The following FRMPD4 variants were observed in gnomAD, a reference collection of about 807,000 sequenced individuals.
FRMPD4 encodes FERM and PDZ domain containing 4.
A neutral mutation model predicts 94.1 loss-of-function variants in FRMPD4; 22 were observed. The ratio of observed to expected loss-of-function variants is 0.23; its 90% CI spans 0.17 to 0.33. FRMPD4 has a LOEUF of 0.33. Among genes scored for constraint, FRMPD4 ranks in the 10% least tolerant of loss-of-function variants. The probability of loss-of-function intolerance (pLI) is 1.00; values close to 1 mark genes in which losing one functional copy is unlikely to be tolerated. For synonymous variants in FRMPD4, 631 were observed against 548.6 expected, an observed-to-expected ratio of 1.15 and a Z score of -2.10; for missense variants, 1,111 against 1,339.9, an observed-to-expected ratio of 0.83 and a Z score of 2.67.
chrX:12,134,432 G>A (rs857349), upstream of FRMPD4, among the ~76,000 whole-genome samples: 11,963 of 111,691 alleles, frequency 0.11, 584 homozygotes, highest in African/African-American at 0.18. Flanking sequence ...CTGATTGAAT[G>A]GATACCTTGC....
intron 4 of FRMPD4, among the ~76,000 whole-genome samples, chrX:12,625,222 A>G (rs770671179): frequency 1.1e-4 from 12 of 111,730 alleles, no homozygotes; most frequent in Non-Finnish European, 2.3e-4. Flanking sequence ...TAGGGAACAC[A>G]ATATGGAGGT....
intron 2 of FRMPD4, among the ~76,000 whole-genome samples, chrX:12,558,518 A>G (rs779847975): frequency 4.8e-4 from 54 of 112,844 alleles, no homozygotes; most frequent in Non-Finnish European, 9.2e-4. Flanking sequence ...AATTCAAGAC[A>G]TATCCCCAGG....
intron 1 of FRMPD4, among the ~76,000 whole-genome samples, chrX:12,490,756 G>A (rs2057784999): frequency 9.0e-6 from 1 of 111,675 alleles, no homozygotes; most frequent in Non-Finnish European, 1.9e-5. Flanking sequence ...TAGACTCCAT[G>A]GTTTGGCTTT....
At chrX:12,111,440 A>C (rs924271964) in intron 3 of FRMPD4, among the ~76,000 whole-genome samples, 3 of 111,624 alleles carry the variant, frequency 2.7e-5, no homozygotes, top group Non-Finnish European at 3.8e-5. Context: ...TAAAGACTTA[A>C]ACGTTAGACC....
intron 1 of FRMPD4, among the ~76,000 whole-genome samples, chrX:12,446,102 A>G (rs1227847063): frequency 9.0e-6 from 1 of 111,382 alleles, no homozygotes; most frequent in African/African-American, 3.4e-5. Flanking sequence ...TCTTATTCTC[A>G]GGGACTGGGT....
At chrX:12,572,445 G>A (rs1431980196) in intron 2 of FRMPD4, among the ~76,000 whole-genome samples, 2 of 112,475 alleles carry the variant, frequency 1.8e-5, no homozygotes, top group Non-Finnish European at 3.8e-5. Flanking sequence ...AATAAATGCT[G>A]CCTTTAGAAA....
At chrX:12,284,859 G>T (rs1041640526) in intron 1 of FRMPD4, among the ~76,000 whole-genome samples, 7 of 111,860 alleles carry the variant, frequency 6.3e-5, no homozygotes, top group African/African-American at 3.3e-5. Context: ...CTCATAATCT[G>T]CATTTAACAT....
chrX:12,583,611 G>A (rs747272192), intron 2 of FRMPD4: 1 of 507,846 alleles, frequency 2.0e-6, no homozygotes, highest in African/African-American at 2.5e-5. Flanking sequence ...GTAAAGCCTC[G>A]CACCTGGCGG....
chrX:12,002,032 A>G (rs940195940), intron 3 of FRMPD4, among the ~76,000 whole-genome samples: 2 of 111,859 alleles, frequency 1.8e-5, no homozygotes, highest in African/African-American at 6.5e-5. Flanking sequence ...TCATTGACAC[A>G]CAAAGCTTTG....
chrX:12,440,382 G>T (rs2057121695), intron 1 of FRMPD4, among the ~76,000 whole-genome samples: 1 of 111,404 alleles, frequency 9.0e-6, no homozygotes, highest in African/African-American at 3.3e-5. Flanking sequence ...GACCTGTAAG[G>T]GAGTAGGAAG....
At chrX:12,598,502 A>T (rs1338539559) in intron 2 of FRMPD4, among the ~76,000 whole-genome samples, 1 of 111,687 alleles carries the variant, frequency 9.0e-6, no homozygotes, top group East Asian at 2.8e-4. Context: ...CCCGAGCAGG[A>T]AGCCAGAACA....
chrX:12,479,113 G>A (rs1046483550), intron 1 of FRMPD4, among the ~76,000 whole-genome samples: 2 of 110,496 alleles, frequency 1.8e-5, no homozygotes, highest in African/African-American at 6.6e-5. Context: ...GAAACAGAGA[G>A]TAAACTTGAA....
chrX:12,720,170 A>G (rs1003790173), intron 16 of FRMPD4, among the ~76,000 whole-genome samples: 8 of 112,264 alleles, frequency 7.1e-5, no homozygotes, highest in African/African-American at 2.6e-4. Context: ...ATGAAACTTA[A>G]TATCTCCAAT....
chrX:12,301,716 C>CCT (rs1271276967), intron 1 of FRMPD4, among the ~76,000 whole-genome samples: 2 of 112,367 alleles, frequency 1.8e-5, no homozygotes, highest in African/African-American at 6.5e-5. Flanking sequence ...AAAGTGATGA[C>CCT]CATATAGTAA....
chrX:11,891,126 C>A (rs1164423329), intron 3 of FRMPD4, among the ~76,000 whole-genome samples: 1 of 112,601 alleles, frequency 8.9e-6, no homozygotes, highest in African/African-American at 3.2e-5. Context: ...CTTCCCTCAG[C>A]TCCTCGGATC....
intron 1 of FRMPD4, among the ~76,000 whole-genome samples, chrX:12,494,375 C>T (rs2057823767): frequency 9.0e-6 from 1 of 111,577 alleles, no homozygotes; most frequent in African/African-American, 3.3e-5. Flanking sequence ...CAAAATCACC[C>T]CAGATGAAAA....
chrX:12,429,969 G>C (rs1301707275), intron 1 of FRMPD4, among the ~76,000 whole-genome samples: 1 of 112,119 alleles, frequency 8.9e-6, no homozygotes, highest in Non-Finnish European at 1.9e-5. Context: ...CTTAGAAGCA[G>C]AGACACCAGG....
At position 12,231,002 on chromosome X, in the gene FRMPD4, A is replaced by ATAGTAT. The variant is rs1555938178; in HGVS notation, c.41+91990_41+91991insTAGTAT. Reference sequence around the variant, plus strand: ...TATATATAGTATATATAGTATATATAATATATAGTATATATAGTATATATA... The same window carrying ATAGTAT: ...TATATATAGTATATATAGTATATATATAGTATATATATAGTATATATAGTATATATA... On this transcript the variant is annotated intron_variant, in intron 1 of 16. Transcript: ENST00000675598. Among the ~76,000 whole-genome samples the ATAGTAT allele has an allele frequency of 1.4e-4, 7 of 50,744 alleles. 1 individual carries two copies. In the East Asian group the frequency reaches 3.8e-3, roughly 28 times the overall value. The allele number at this position is 50,744 out of a possible 115,157, so 44.1% of individuals were successfully genotyped here.
At chrX:11,889,878 A>C (rs2053864944) in intron 3 of FRMPD4, among the ~76,000 whole-genome samples, 1 of 112,340 alleles carries the variant, frequency 8.9e-6, no homozygotes, top group Admixed American at 9.4e-5. Flanking sequence ...GAGCTTCTTT[A>C]CATGGAAGCT....
Sources: gnomAD v4.1 joint callset for allele counts (sites outside exome capture counted in the v4.1 genomes callset) on GRCh38, gnomAD v4.1.1 for gene constraint, MANE v1.5 for transcripts, NCBI Gene and HGNC (gene_info 2026-07-23, HGNC 2026-07-21) for gene names.